Variants in JAK2 observed in about 807,000 individuals in gnomAD.
JAK2 encodes the protein Janus kinase 2.
JAK2 carries 86 observed loss-of-function variants against 139.3 expected under a neutral mutation model. The ratio of observed to expected loss-of-function variants is 0.62; its 90% CI spans 0.52 to 0.74. The LOEUF (loss-of-function observed/expected upper bound fraction) is 0.74, where lower values mean the gene tolerates loss of function less well. Ranked by LOEUF, JAK2 falls within the 30% of genes least tolerant of loss-of-function variation. JAK2 has a pLI of 0.00. For synonymous variants in JAK2, 490 were observed against 437.7 expected, an observed-to-expected ratio of 1.12 and a Z score of -1.49; for missense variants, 1,421 against 1,360.3, an observed-to-expected ratio of 1.04 and a Z score of -0.70.
At chr9:5,035,167 C>T (rs1823484375) in intron 4 of JAK2, among the ~76,000 whole-genome samples, 1 of 152,172 alleles carries the variant, frequency 6.6e-6, no homozygotes, top group Non-Finnish European at 1.5e-5. Flanking sequence ...CATACACCCT[C>T]CCAAGACTAA....
chr9:5,093,406 G>C (rs1445739179), intron 22 of JAK2, among the ~76,000 whole-genome samples: 1 of 152,072 alleles, frequency 6.6e-6, no homozygotes, highest in Non-Finnish European at 1.5e-5. Flanking sequence ...CCCTAAATAG[G>C]GACTTAGAAG....
At chr9:5,066,127 C>G (rs1182305746) in intron 9 of JAK2, among the ~76,000 whole-genome samples, 1 of 151,992 alleles carries the variant, frequency 6.6e-6, no homozygotes, top group East Asian at 1.9e-4. Flanking sequence ...ATGATTCTTT[C>G]TTTTGTATAG....
chr9:5,005,189 A>G (rs1265972027), intron 2 of JAK2, among the ~76,000 whole-genome samples: 1 of 138,048 alleles, frequency 7.2e-6, no homozygotes, highest in Non-Finnish European at 1.5e-5. Flanking sequence ...GTCTCAAGTA[A>G]TCCTCCCACC....
Position 5,069,201 on chromosome 9 carries a change from G to C in JAK2, c.1506G>C (p.Lys502Asn). 1 of 1,597,076 alleles carries C rather than the reference G, an allele frequency of 6.3e-7. No homozygotes were observed. Among genetic ancestry groups the C allele is most frequent in the Middle Eastern group, 1.7e-4 (1 of 5,964 alleles). The change falls in exon 11 of 25, where the codon AAG (lysine) becomes AAC (asparagine). Residue 502 changes from lysine (K) to asparagine (N), a missense_variant. Lys to Asn is a moderately conservative substitution (Grantham distance 94). Transcript: ENST00000381652. ...IFQFTKCCPPKPKDKSNLLVF... is the reference protein window; with the variant it reads ...IFQFTKCCPPNPKDKSNLLVF... ...AGTTTACTAAATGCTGTCCCCCAAA[G>C]CCAAAAGGTAAGATAATTTTCTAGT...
At chr9:5,000,611 T>A (rs924757656) in intron 2 of JAK2, among the ~76,000 whole-genome samples, 1 of 152,220 alleles carries the variant, frequency 6.6e-6, no homozygotes, top group Non-Finnish European at 1.5e-5. Flanking sequence ...TTTAAACTTT[T>A]TGAGCTTATG....
intron 2 of JAK2, among the ~76,000 whole-genome samples, chr9:4,993,368 G>C (rs1051241446): frequency 6.6e-6 from 1 of 152,166 alleles, no homozygotes; most frequent in African/African-American, 2.4e-5. Flanking sequence ...TGGCTGAAAA[G>C]ATTGTTCTGA....
intron 4 of JAK2, among the ~76,000 whole-genome samples, chr9:5,036,732 A>C (rs906889702): frequency 5.3e-5 from 8 of 152,124 alleles, no homozygotes; most frequent in African/African-American, 9.7e-5. Context: ...TAAAGACTTA[A>C]ATGTTAGACC....
At chr9:5,087,267 C>A (rs1339653222) in intron 19 of JAK2, among the ~76,000 whole-genome samples, 1 of 152,196 alleles carries the variant, frequency 6.6e-6, no homozygotes, top group Non-Finnish European at 1.5e-5. Context: ...CTTCACAGGG[C>A]AGCAGGAGAG....
At chr9:5,085,393 C>G in intron 19 of JAK2, 1 of 859,254 alleles carries the variant, frequency 1.2e-6, no homozygotes, top group Non-Finnish European at 2.0e-6. Context: ...GTCGGGGCAT[C>G]CTAGAACAGA....
intron 22 of JAK2, chr9:5,111,205 G>T: frequency 1.6e-6 from 1 of 626,348 alleles, no homozygotes. Context: ...ACCGGGACTC[G>T]GAGGCAAGAG....
chr9:5,034,862 C>A (rs1291815506), intron 4 of JAK2, among the ~76,000 whole-genome samples: 1 of 152,054 alleles, frequency 6.6e-6, no homozygotes, highest in African/African-American at 2.4e-5. Flanking sequence ...CAAAAGCTAG[C>A]AGAAGGCAAG....
intron 19 of JAK2, among the ~76,000 whole-genome samples, chr9:5,088,556 T>C (rs1820308499): frequency 6.6e-6 from 1 of 151,940 alleles, no homozygotes; most frequent in South Asian, 2.1e-4. Context: ...AAAAAAAATG[T>C]AGAGTCATCC....
chr9:5,008,022 C>T (rs1409818828), intron 2 of JAK2, among the ~76,000 whole-genome samples: 4 of 152,156 alleles, frequency 2.6e-5, no homozygotes, highest in African/African-American at 9.7e-5. Context: ...AGCCACCGCG[C>T]CTGGCCCTAA....
At chr9:5,030,904 C>T (rs1823102888) in intron 4 of JAK2, among the ~76,000 whole-genome samples, 1 of 151,764 alleles carries the variant, frequency 6.6e-6, no homozygotes, top group Non-Finnish European at 1.5e-5. Flanking sequence ...AATAAATGTT[C>T]AAAGAAATAA....
Position 5,090,451 on chromosome 9 carries a change from C to A in JAK2, c.2767C>A (p.Arg923Ser). 6.5e-7 allele frequency: 1 copy of A among 1,548,926 alleles called. No individual in the cohort carries two copies. Among genetic ancestry groups the A allele is most frequent in the Non-Finnish European group, 8.7e-7 (1 of 1,144,346 alleles). The part of the protein sequence containing the change: ...YKGVCYSAGR[R>S]NLKLIMEYLP... ...TTCCACCTTTATGTTAAAAGGTCGG[C>A]GTAATCTAAAATTAATTATGGAATA... The change falls in exon 21 of 25, where the codon CGT (arginine) becomes AGT (serine). Residue 923 changes from arginine to serine, a missense_variant. Transcript: ENST00000381652.
chr9:5,077,781 A>T (rs1447265802), intron 15 of JAK2, among the ~76,000 whole-genome samples: 2 of 152,228 alleles, frequency 1.3e-5, no homozygotes, highest in Non-Finnish European at 2.9e-5. Context: ...AAGTTTTGTC[A>T]TCCCATCAAT....
intron 22 of JAK2, among the ~76,000 whole-genome samples, chr9:5,105,307 T>C (rs1821862422): frequency 6.6e-6 from 1 of 152,124 alleles, no homozygotes; most frequent in African/African-American, 2.4e-5. Context: ...CTATTCACAA[T>C]TGCTACAAAG....
At chr9:5,109,319 A>C (rs1202905693) in intron 22 of JAK2, 1 of 152,188 alleles carries the variant, frequency 6.6e-6, no homozygotes, top group Non-Finnish European at 1.5e-5. Flanking sequence ...CCAAAACATT[A>C]AATTGTGGAT....
chr9:5,020,362 G>A (rs1040374320), intron 2 of JAK2, among the ~76,000 whole-genome samples: 12 of 152,164 alleles, frequency 7.9e-5, no homozygotes, highest in Non-Finnish European at 1.3e-4. Flanking sequence ...TGGATACGTG[G>A]GAGTGGGGTG....
Sources: gnomAD v4.1 joint callset for allele counts (sites outside exome capture counted in the v4.1 genomes callset) on GRCh38, gnomAD v4.1.1 for gene constraint, MANE v1.5 for transcripts, NCBI Gene and HGNC (gene_info 2026-07-23, HGNC 2026-07-21) for gene names.